The following IHO1 variants were observed in gnomAD, a reference collection of about 807,000 sequenced individuals.
The protein encoded by IHO1 is interactor of HORMAD1 protein 1.
A neutral mutation model predicts 31.0 loss-of-function variants in IHO1; 13 were observed. The ratio of observed to expected loss-of-function variants is 0.42; its 90% CI spans 0.27 to 0.67. The LOEUF is 0.67. Ranked by LOEUF, IHO1 falls within the 30% of genes least tolerant of loss-of-function variation. The pLI, the probability that IHO1 is intolerant of heterozygous loss-of-function variation, is 0.24. For synonymous variants in IHO1, 221 were observed against 248.4 expected, an observed-to-expected ratio of 0.89 and a Z score of 1.04; for missense variants, 599 against 687.5, an observed-to-expected ratio of 0.87 and a Z score of 1.44.
intron 6 of IHO1, among the ~76,000 whole-genome samples, chr3:49,247,240 GT>G (rs1331318575): frequency 6.7e-6 from 1 of 148,934 alleles, no homozygotes; most frequent in Admixed American, 6.7e-5. Context: ...TTTTGTTTTT[GT>G]TTTTTTGAGA....
intron 4 of IHO1, among the ~76,000 whole-genome samples, chr3:49,242,178 G>A (rs1284132897): frequency 6.6e-6 from 1 of 152,118 alleles, no homozygotes; most frequent in South Asian, 2.1e-4. Context: ...CCTGACCTCA[G>A]GTGATCTGCC....
chr3:49,232,732 A>G (rs1184022891), intron 2 of IHO1, among the ~76,000 whole-genome samples: 1 of 152,142 alleles, frequency 6.6e-6, no homozygotes, highest in Non-Finnish European at 1.5e-5. Flanking sequence ...GTGGAAGAAA[A>G]CCTTAGGAAA....
At chr3:49,247,141 G>A (rs1004916862) in intron 6 of IHO1, among the ~76,000 whole-genome samples, 1 of 151,888 alleles carries the variant, frequency 6.6e-6, no homozygotes, top group East Asian at 2.0e-4. Context: ...GAGCTACCGC[G>A]CCTGGCAGGT....
chr3:49,195,877 G>A (rs569817423), upstream of IHO1, among the ~76,000 whole-genome samples: 49 of 150,826 alleles, frequency 3.2e-4, no homozygotes, highest in South Asian at 9.0e-3. Flanking sequence ...CAAGGTGGGC[G>A]GATCACGAGG....
chr3:49,254,769 G>A (rs1448006706), intron 6 of IHO1, among the ~76,000 whole-genome samples: 4 of 152,020 alleles, frequency 2.6e-5, no homozygotes, highest in Non-Finnish European at 5.9e-5. Flanking sequence ...GGGTGCCATC[G>A]AAAGTTTCAA....
At chr3:49,229,902 C>T (rs1426068025) in intron 2 of IHO1, among the ~76,000 whole-genome samples, 1 of 152,108 alleles carries the variant, frequency 6.6e-6, no homozygotes, top group Non-Finnish European at 1.5e-5. Context: ...AGTTCTAATT[C>T]CTGAGCAGTT....
At chr3:49,200,219 C>A (rs1350290958) in intron 1 of IHO1, among the ~76,000 whole-genome samples, 1 of 152,048 alleles carries the variant, frequency 6.6e-6, no homozygotes. Flanking sequence ...TCACGCCACA[C>A]TTTGGGAGGC....
At chr3:49,241,964 A>G (rs776703897) in intron 4 of IHO1, among the ~76,000 whole-genome samples, 4 of 149,342 alleles carry the variant, frequency 2.7e-5, no homozygotes, top group Non-Finnish European at 5.9e-5. Context: ...TTTTTCTGAG[A>G]TGGAGTTTCA....
chr3:49,195,336 C>T (rs911046352), upstream of IHO1, among the ~76,000 whole-genome samples: 3 of 151,428 alleles, frequency 2.0e-5, no homozygotes, highest in South Asian at 2.1e-4. Context: ...GCAGGGGAAT[C>T]GCTTGAACCT....
At chr3:49,234,982 G>A (rs981548782) in intron 2 of IHO1, among the ~76,000 whole-genome samples, 3 of 151,854 alleles carry the variant, frequency 2.0e-5, no homozygotes, top group African/African-American at 7.3e-5. Flanking sequence ...AAGTAGCTGG[G>A]ATTACAGGTG....
At chr3:49,248,518 C>T (rs1297794121) in intron 6 of IHO1, among the ~76,000 whole-genome samples, 1 of 152,040 alleles carries the variant, frequency 6.6e-6, no homozygotes, top group East Asian at 1.9e-4. Context: ...CACTTGAGGT[C>T]AGGAGTTTGA....
At chr3:49,205,601 T>A (rs926478356) in intron 1 of IHO1, among the ~76,000 whole-genome samples, 3 of 151,582 alleles carry the variant, frequency 2.0e-5, no homozygotes, top group African/African-American at 7.3e-5. Context: ...CCGTAATTTT[T>A]TTTTTTTTTT....
At chr3:49,224,788 G>A (rs1056843143) in intron 2 of IHO1, among the ~76,000 whole-genome samples, 2 of 152,228 alleles carry the variant, frequency 1.3e-5, no homozygotes, top group Admixed American at 6.5e-5. Flanking sequence ...ACTATAATTT[G>A]TTGGCAGTCA....
At chr3:49,200,659 T>C (rs912158071) in intron 1 of IHO1, 10 of 694,388 alleles carry the variant, frequency 1.4e-5, no homozygotes, top group Non-Finnish European at 1.8e-5. Context: ...TATAGTTCCA[T>C]TCCTTGCATG....
intron 2 of IHO1, among the ~76,000 whole-genome samples, chr3:49,216,268 T>A (rs1182507230): frequency 6.6e-6 from 1 of 152,216 alleles, no homozygotes; most frequent in Non-Finnish European, 1.5e-5. Flanking sequence ...TATCATGCAC[T>A]TTGTTTCTAT....
chr3:49,229,525 G>A (rs1271233396), intron 2 of IHO1, among the ~76,000 whole-genome samples: 1 of 152,164 alleles, frequency 6.6e-6, no homozygotes, highest in East Asian at 1.9e-4. Context: ...GTAGAAATGG[G>A]GAAAGTGAAA....
At chr3:49,242,298 AT>A (rs35683717) in intron 4 of IHO1, among the ~76,000 whole-genome samples, 508 of 147,076 alleles carry the variant, frequency 3.5e-3, no homozygotes, top group Non-Finnish European at 4.8e-3. Context: ...TGGCCACCTA[AT>A]TTTTTTTTTT....
Position 49,257,017 on chromosome 3 carries a change from G to A in IHO1, c.1520G>A (p.Ser507Asn), listed in dbSNP as rs141166710. Residue 507 changes from serine (S) to asparagine (N), a missense_variant, in exon 8 of 8, where the codon AGC becomes AAC. Ser to Asn is a conservative substitution (Grantham distance 46). Coordinates refer to ENST00000452691, the MANE Select transcript of IHO1 (RefSeq NM_001135197.2). ...CCTCTGCATCTGCAGTGTCCCAGGA[G>A]CCCCAGAAAACCAGTCTGCCCTATT... is the stretch of plus-strand genomic sequence containing the variant. ...AQPLHLQCPR[S>N]PRKPVCPILG... 1.9e-6 allele frequency: 3 copies of A among 1,614,174 alleles called. No individual in the cohort carries two copies. In the African/African-American group the frequency reaches 4.0e-5, roughly 22 times the overall value.
intron 7 of IHO1, 50 bp downstream of exon 7, chr3:49,255,543 A>G: frequency 9.8e-7 from 1 of 1,025,398 alleles, no homozygotes; most frequent in Non-Finnish European, 1.4e-6. Flanking sequence ...GCTTTGAACT[A>G]GACCCAGAGA....
Sources: gnomAD v4.1 joint callset for allele counts (sites outside exome capture counted in the v4.1 genomes callset) on GRCh38, gnomAD v4.1.1 for gene constraint, MANE v1.5 for transcripts, NCBI Gene and HGNC (gene_info 2026-07-23, HGNC 2026-07-21) for gene names.